CD109: variants seen among roughly 807,000 people sequenced by gnomAD.
The protein encoded by CD109 is CD109 molecule.
A neutral mutation model predicts 165.8 loss-of-function variants in CD109; 149 were observed. The ratio of observed to expected loss-of-function variants is 0.90; its 90% confidence interval spans 0.79 to 1.03. The LOEUF (loss-of-function observed/expected upper bound fraction) is 1.03, where lower values mean the gene tolerates loss of function less well. Among genes scored for constraint, CD109 ranks in the 50% least tolerant of loss-of-function variants. The pLI is 0.00. For missense variants in CD109, 1,712 were observed against 1,677.8 expected (o/e 1.02, Z -0.36); for synonymous variants, 585 against 592.1 (o/e 0.99, Z 0.18).
At chr6:73,774,951 T>G (rs576620961) in intron 15 of CD109, among the ~76,000 whole-genome samples, 9 of 152,102 alleles carry the variant, frequency 5.9e-5, no homozygotes, top group Admixed American at 2.6e-4. Flanking sequence ...CTTTTTTTTT[T>G]TTGTTAAATT....
intron 2 of CD109, among the ~76,000 whole-genome samples, chr6:73,705,757 A>G (rs1329572516): frequency 1.3e-5 from 2 of 152,242 alleles, no homozygotes; most frequent in Admixed American, 6.5e-5. Context: ...TTAATAATCA[A>G]TTCTCTCAGG....
At chr6:73,802,309 T>A (rs866546074) in intron 23 of CD109, among the ~76,000 whole-genome samples, 2,991 of 84,102 alleles carry the variant, frequency 0.036, 112 homozygotes, top group East Asian at 0.3. Flanking sequence ...ATATATATTT[T>A]TTTTTTTTTT....
chr6:73,713,274 C>T (rs968208915), intron 2 of CD109, among the ~76,000 whole-genome samples: 7 of 152,090 alleles, frequency 4.6e-5, no homozygotes, highest in African/African-American at 9.7e-5. Flanking sequence ...TTATTAAGGA[C>T]GCATGAGACC....
chr6:73,765,014 G>C (rs923535658), intron 10 of CD109, among the ~76,000 whole-genome samples: 1 of 152,126 alleles, frequency 6.6e-6, no homozygotes, highest in Non-Finnish European at 1.5e-5. Context: ...GTTCAGAGGG[G>C]GAGAGTTGGC....
chr6:73,737,484 T>A (rs117185050), intron 5 of CD109, among the ~76,000 whole-genome samples: 1,604 of 152,358 alleles, frequency 0.011, 14 homozygotes, highest in Non-Finnish European at 0.017. Context: ...ATGTATGATG[T>A]GGTTTTAAAG....
At chr6:73,750,280 A>G (rs771701214) in intron 5 of CD109, among the ~76,000 whole-genome samples, 10 of 152,196 alleles carry the variant, frequency 6.6e-5, no homozygotes, top group Non-Finnish European at 1.2e-4. Flanking sequence ...GGTGAGTGGT[A>G]TGAGCTAGAT....
At chr6:73,797,926 A>G (rs1775223091) in intron 23 of CD109, among the ~76,000 whole-genome samples, 1 of 152,144 alleles carries the variant, frequency 6.6e-6, no homozygotes, top group African/African-American at 2.4e-5. Context: ...TTTCAAACTC[A>G]AGAGCCATTC....
At position 73,781,307 on chromosome 6, in the gene CD109, A is replaced by G; in HGVS notation, c.1951A>G (p.Ile651Val). The G allele has an allele frequency of 1.9e-6, 3 of 1,612,740 alleles. No individual in the cohort carries two copies. Among genetic ancestry groups the G allele is most frequent in the Non-Finnish European group, 2.5e-6 (3 of 1,178,916 alleles). ...LTDANLTKDY[I>V]DGVYDNAEYA... is the part of the protein sequence containing the mutation. Reference sequence around the variant, plus strand: ...AGATGCAAACCTCACGAAGGATTATATTGATGGTGTTTGTAAGTAATACAT... The same window carrying G: ...AGATGCAAACCTCACGAAGGATTATGTTGATGGTGTTTGTAAGTAATACAT... The change falls in exon 17 of 33, where the codon ATT becomes GTT. Residue 651 changes from isoleucine (I) to valine (V), a missense_variant. Ile to Val is a conservative substitution (Grantham distance 29, BLOSUM62 3). Transcript: ENST00000287097.
intron 16 of CD109, 64 bp from the exon 17 acceptor site, chr6:73,781,195 C>G (rs767258703): frequency 2.2e-6 from 3 of 1,360,174 alleles, no homozygotes; most frequent in Non-Finnish European, 3.1e-6. Flanking sequence ...TGGGAGACTG[C>G]CTTGATAATT....
chr6:73,777,817 C>T lies in CD109; in HGVS notation c.1828-2607C>T, dbSNP rs184075119. Among the ~76,000 whole-genome samples, 13 of 152,228 alleles carry T rather than the reference C, an allele frequency of 8.5e-5. No individual in the cohort carries two copies. The East Asian group carries it at 2.1e-3, about 25-fold the overall frequency. ...ACCATGCTGTTTTGGTTACTATAGC[C>T]TTGTAGTACAGTTTGAACTCTGGTA... On this transcript the variant is annotated intron_variant, in intron 15 of 32. Coordinates refer to ENST00000287097, the MANE Select transcript of CD109 (RefSeq NM_133493.5).
chr6:73,753,179 G>A (rs1773258976), intron 5 of CD109, among the ~76,000 whole-genome samples: 1 of 152,174 alleles, frequency 6.6e-6, no homozygotes, highest in South Asian at 2.1e-4. Flanking sequence ...CATTGCAACA[G>A]CATTGTTAAG....
chr6:73,775,631 A>G (rs564426615), intron 15 of CD109, among the ~76,000 whole-genome samples: 16 of 152,282 alleles, frequency 1.1e-4, no homozygotes, highest in African/African-American at 3.8e-4. Flanking sequence ...TATGAAGTCC[A>G]GTACCCATTA....
chr6:73,741,495 T>C (rs1772783937), intron 5 of CD109, among the ~76,000 whole-genome samples: 2 of 152,244 alleles, frequency 1.3e-5, no homozygotes, highest in South Asian at 4.1e-4. Context: ...GAATATGTTC[T>C]GATTTAATAA....
chr6:73,777,157 C>G (rs1774279993), intron 15 of CD109, among the ~76,000 whole-genome samples: 1 of 151,626 alleles, frequency 6.6e-6, no homozygotes, highest in African/African-American at 2.4e-5. Context: ...GGGGTTTCTT[C>G]ATGTTGGTCA....
At chr6:73,803,144 A>G in intron 23 of CD109, 76 bp from the exon 24 acceptor site, 1 of 966,296 alleles carries the variant, frequency 1.0e-6, no homozygotes, top group Non-Finnish European at 1.7e-6. Context: ...TTTCCTCAAT[A>G]TGAAGTCATA....
In CD109 at chr6:73,729,335, AGTGTGT is replaced by A. The variant is rs142514181; in HGVS notation, c.277-990_277-985del. On this transcript the variant is annotated intron_variant, in intron 3 of 32. Coordinates refer to ENST00000287097, the MANE Select transcript of CD109 (RefSeq NM_133493.5). Reference sequence around the variant, plus strand: ...ACATATTTTAAAATTACCACATCAAAGTGTGTGTGTGTGTGTGTGTGTGTAGTGTGT... The same window carrying A: ...ACATATTTTAAAATTACCACATCAAAGTGTGTGTGTGTGTGTGTAGTGTGT... Among the ~76,000 whole-genome samples the A allele has an allele frequency of 8.8e-5, 13 of 148,366 alleles. No individual in the cohort carries two copies. In the East Asian group the frequency reaches 9.9e-4, roughly 11 times the overall value.
At position 73,807,029 on chromosome 6, in the gene CD109, C is replaced by A. The variant is rs372319667; in HGVS notation, c.3146C>A (p.Thr1049Lys). ...QGGNKSPVTL[T>K]AYIVTSLLGY... is the part of the protein sequence containing the mutation. ...GGCAATAAAAGTCCAGTAACACTTA[C>A]AGCCTATATTGTAACTTCTCTCCTG... The change falls in exon 25 of 33, where the codon ACA becomes AAA. Residue 1049 changes from threonine (T) to lysine (K), a missense_variant. Thr to Lys is a moderately conservative substitution (Grantham distance 78). Transcript: ENST00000287097. The A allele has an allele frequency of 2.5e-6, 4 of 1,613,774 alleles. No homozygotes were observed. In the Admixed American group the frequency reaches 6.7e-5, roughly 27 times the overall value.
chr6:73,792,832 G>C, intron 23 of CD109, 30 bp downstream of exon 23: 2 of 1,562,844 alleles, frequency 1.3e-6, no homozygotes, highest in Non-Finnish European at 1.7e-6. Flanking sequence ...ACATTTGTTC[G>C]TAGAAAAAAA....
chr6:73,729,896 A>G (rs1772296526), intron 3 of CD109, among the ~76,000 whole-genome samples: 1 of 152,200 alleles, frequency 6.6e-6, no homozygotes, highest in Admixed American at 6.5e-5. Flanking sequence ...CGCAAGATGC[A>G]TTAGGAGAAT....
Sources: allele counts gnomAD v4.1 joint callset (sites outside exome capture counted in the v4.1 genomes callset), GRCh38; gene constraint gnomAD v4.1.1; transcripts MANE v1.5; gene names NCBI Gene and HGNC (gene_info 2026-07-23, HGNC 2026-07-21).